The following NCKAP5 variants were observed in gnomAD, a reference collection of about 807,000 sequenced individuals.
The protein encoded by NCKAP5 is NCK associated protein 5, also known as nck-associated protein 5.
Under a neutral mutation model 167.0 loss-of-function variants are expected in NCKAP5, and 92 were observed. The observed-to-expected ratio is 0.55, with a 90% CI of 0.47 to 0.66. The LOEUF (loss-of-function observed/expected upper bound fraction) is 0.66. Ranked by LOEUF, NCKAP5 falls within the 30% of genes least tolerant of loss-of-function variation. The pLI, the probability that NCKAP5 is intolerant of heterozygous loss-of-function variation, is 0.00. For missense variants in NCKAP5, 2,378 were observed against 2,315.0 expected (o/e 1.03, Z -0.56); for synonymous variants, 891 against 877.4 (o/e 1.02, Z -0.27).
intron 4 of NCKAP5, among the ~76,000 whole-genome samples, chr2:133,249,266 T>A (rs72985668): frequency 0.026 from 3,993 of 152,196 alleles, 155 homozygotes; most frequent in African/African-American, 0.086. Flanking sequence ...AAGGTCCTTG[T>A]GAAAGGAACT....
At chr2:132,704,634 G>A (rs1166094531) in intron 19 of NCKAP5, among the ~76,000 whole-genome samples, 1 of 152,140 alleles carries the variant, frequency 6.6e-6, no homozygotes, top group Non-Finnish European at 1.5e-5. Context: ...ACCATCCATT[G>A]AGTCTACCAA....
intron 7 of NCKAP5, among the ~76,000 whole-genome samples, chr2:132,983,046 G>A (rs374759529): frequency 2.0e-5 from 3 of 152,092 alleles, no homozygotes; most frequent in African/African-American, 7.2e-5. Flanking sequence ...TTGGTTAGGT[G>A]TATTCCTAGG....
intron 6 of NCKAP5, among the ~76,000 whole-genome samples, chr2:133,092,018 T>C (rs1172004390): frequency 6.6e-6 from 1 of 152,196 alleles, no homozygotes; most frequent in Non-Finnish European, 1.5e-5. Flanking sequence ...CCCATTTCAA[T>C]GGTCTCATCA....
At chr2:133,359,837 C>T (rs959328240) in intron 3 of NCKAP5, among the ~76,000 whole-genome samples, 2 of 152,120 alleles carry the variant, frequency 1.3e-5, no homozygotes, top group African/African-American at 4.8e-5. Context: ...ATCTGTGAAA[C>T]TATTGTGCAA....
At chr2:132,958,886 G>T (rs2149182726) in intron 8 of NCKAP5, among the ~76,000 whole-genome samples, 1 of 151,988 alleles carries the variant, frequency 6.6e-6, no homozygotes, top group East Asian at 1.9e-4. Flanking sequence ...CTTATTTACA[G>T]GCATATAGTT....
chr2:133,354,117 G>A (rs2150830443), intron 3 of NCKAP5, among the ~76,000 whole-genome samples: 1 of 152,302 alleles, frequency 6.6e-6, no homozygotes, highest in South Asian at 2.1e-4. Flanking sequence ...GCAGTGAGGT[G>A]ACAGAACAGG....
At chr2:133,324,035 A>G (rs1192701942) in intron 3 of NCKAP5, among the ~76,000 whole-genome samples, 1 of 152,242 alleles carries the variant, frequency 6.6e-6, no homozygotes, top group Non-Finnish European at 1.5e-5. Flanking sequence ...ACTCATTTCC[A>G]GGTTCAGCTT....
At chr2:132,866,962 A>G (rs1690405377) in intron 10 of NCKAP5, among the ~76,000 whole-genome samples, 1 of 152,184 alleles carries the variant, frequency 6.6e-6, no homozygotes, top group Non-Finnish European at 1.5e-5. Flanking sequence ...GCAGAACATG[A>G]TTCTTTTGGA....
At chr2:133,387,837 G>C (rs963471185) in intron 3 of NCKAP5, among the ~76,000 whole-genome samples, 4 of 152,116 alleles carry the variant, frequency 2.6e-5, no homozygotes, top group Non-Finnish European at 4.4e-5. Context: ...GATCAAATCG[G>C]CTACTGAAGA....
intron 3 of NCKAP5, among the ~76,000 whole-genome samples, chr2:133,510,329 G>A (rs946714714): frequency 4.6e-5 from 7 of 152,016 alleles, no homozygotes; most frequent in South Asian, 2.1e-4. Flanking sequence ...ACATGAACAC[G>A]CCATAATCAG....
At position 132,784,980 on chromosome 2, in the gene NCKAP5, C is replaced by G. The variant is rs772645864; in HGVS notation, c.1831G>C (p.Asp611His). The part of the protein sequence containing the change: ...PSDVSLAADT[D>H]KSVENLDVLV... ...ACATCCAGGTTCTCCACGGACTTAT[C>G]GGTGTCGGCAGCCAATGACACGTCT... Residue 611 changes from aspartate (D) to histidine (H), a missense_variant, in exon 14 of 20, where the codon GAT becomes CAT. Physicochemically the swap from Asp to His is moderately conservative, Grantham distance 81 (BLOSUM62 -1). This residue lies in a region of NCKAP5 where 1,049 missense variants were observed against 1,023.4 expected (regional missense o/e 1.02). Coordinates refer to ENST00000409261, the MANE Select transcript of NCKAP5 (RefSeq NM_207363.3). The G allele has an allele frequency of 1.3e-5, 21 of 1,613,454 alleles. No individual in the cohort carries two copies. Among genetic ancestry groups the G allele is most frequent in the Non-Finnish European group, 1.6e-5 (19 of 1,179,684 alleles).
Position 133,483,630 on chromosome 2 carries a change from G to A in NCKAP5, c.69+33828C>T, listed in dbSNP as rs773267787. Among the ~76,000 whole-genome samples, 50 of 150,744 alleles carry A rather than the reference G, an allele frequency of 3.3e-4. 1 individual carries two copies. Among genetic ancestry groups the A allele is most frequent in the Middle Eastern group, 6.9e-3 (2 of 290 alleles). On this transcript the variant is annotated intron_variant, in intron 3 of 19. Transcript: ENST00000409261. Reference sequence around the variant, plus strand: ...TGCTAATACTCTGCAAAAAAAAAGGGGGGGGGGCTTTTTCTCTCTTAAAAT... The same window carrying A: ...TGCTAATACTCTGCAAAAAAAAAGGAGGGGGGGCTTTTTCTCTCTTAAAAT...
intron 7 of NCKAP5, among the ~76,000 whole-genome samples, chr2:132,968,043 C>T (rs977984405): frequency 2.0e-5 from 3 of 152,082 alleles, no homozygotes; most frequent in Non-Finnish European, 2.9e-5. Flanking sequence ...GCCTGCCTTG[C>T]TGGCCAGCTG....
At chr2:133,159,088 C>G (rs2083687843) in intron 5 of NCKAP5, among the ~76,000 whole-genome samples, 1 of 151,696 alleles carries the variant, frequency 6.6e-6, no homozygotes, top group Admixed American at 6.6e-5. Flanking sequence ...ATCTGGGAGC[C>G]CTTAAAAGCA....
chr2:132,865,744 G>C (rs1340785707), intron 10 of NCKAP5, among the ~76,000 whole-genome samples: 1 of 152,208 alleles, frequency 6.6e-6, no homozygotes, highest in Non-Finnish European at 1.5e-5. Flanking sequence ...GTGGGTCAGA[G>C]CGTGGGGTTT....
intron 6 of NCKAP5, among the ~76,000 whole-genome samples, chr2:133,003,658 T>C (rs1024070795): frequency 2.0e-5 from 3 of 152,204 alleles, no homozygotes; most frequent in African/African-American, 7.2e-5. Flanking sequence ...TGGATAAATG[T>C]TGGAGGACTG....
intron 3 of NCKAP5, among the ~76,000 whole-genome samples, chr2:133,358,709 T>G (rs1451596715): frequency 6.6e-6 from 1 of 152,214 alleles, no homozygotes; most frequent in Non-Finnish European, 1.5e-5. Context: ...TGTGAATTGC[T>G]GAACTAAACT....
chr2:133,474,936 G>A lies in NCKAP5; in HGVS notation c.69+42522C>T, dbSNP rs574483555. Among the ~76,000 whole-genome samples, 5 of 152,186 alleles carry A rather than the reference G, an allele frequency of 3.3e-5. No individual in the cohort carries two copies. The South Asian group carries it at 8.3e-4, about 25-fold the overall frequency. The stretch of plus-strand genomic sequence containing the variant: ...AGTGATTCTCCTACTTCAGCCTCCT[G>A]AGTAGCTGGAATTACAGGTGCGTGC... On this transcript the variant is annotated intron_variant, in intron 3 of 19. Coordinates refer to ENST00000409261, the MANE Select transcript of NCKAP5 (RefSeq NM_207363.3).
the NCKAP5 span, among the ~76,000 whole-genome samples, chr2:133,647,026 A>C: frequency 1.3e-5 from 2 of 152,142 alleles, no homozygotes; most frequent in African/African-American, 4.8e-5. Flanking sequence ...TACAAAAAAA[A>C]TTGTAACAAA....
Sources: gnomAD v4.1 joint callset for allele counts (sites outside exome capture counted in the v4.1 genomes callset) on GRCh38, gnomAD v4.1.1 for gene constraint, gnomAD v4.1.1 regional missense constraint, MANE v1.5 for transcripts, NCBI Gene and HGNC (gene_info 2026-07-23, HGNC 2026-07-21) for gene names.